Variants in MLLT1 observed in about 807,000 individuals in gnomAD.
The protein encoded by MLLT1 is protein ENL.
Under a neutral mutation model 55.1 loss-of-function variants are expected in MLLT1, and 11 were observed. The ratio of observed to expected loss-of-function variants is 0.20; its 90% CI spans 0.13 to 0.33. The LOEUF (loss-of-function observed/expected upper bound fraction) is 0.33. MLLT1 is among the 10% of genes least tolerant of loss of function. The pLI, the probability that MLLT1 is intolerant of heterozygous loss-of-function variation, is 1.00. For synonymous variants in MLLT1, 323 were observed against 320.1 expected (o/e 1.01, Z -0.10); for missense variants, 536 against 760.6 (o/e 0.70, Z 3.47).
chr19:6,253,836 G>A lies in MLLT1; in HGVS notation c.276+8392C>T, dbSNP rs1221196294. On this transcript the variant is annotated intron_variant, in intron 3 of 11. Transcript: ENST00000252674. ...AAACTAGAAAAAGAAGGTGTGACAC[G>A]GTAAGAAATATATATATTTGGTCTC... Among the ~76,000 whole-genome samples the A allele has an allele frequency of 3.9e-5, 6 of 152,216 alleles. No individual in the cohort carries two copies. In the South Asian group the frequency reaches 1.0e-3, roughly 26 times the overall value.
chr19:6,211,815 C>G lies in MLLT1; in HGVS notation c.*1227G>C. The G allele has an allele frequency of 9.4e-7, 1 of 1,064,200 alleles. No homozygotes were observed. The highest frequency in any genetic ancestry group is 1.1e-6 in the Non-Finnish European group (1 of 878,552). The allele number at this position is 1,064,200 out of a possible 1,614,324, so 65.9% of individuals were successfully genotyped here. On this transcript the variant is annotated 3_prime_UTR_variant, in exon 12 of 12. Coordinates refer to ENST00000252674, the MANE Select transcript of MLLT1 (RefSeq NM_005934.4). This position sits in a 1 kb window ranked among gnomAD's most constrained non-coding sequence, Gnocchi z 4.6. ...TGGAAGAGTGGGCCGGGAAGGAGGACCGGCTTGGCCCCTGGAGAATCTCAG... is the reference window on the plus strand; with the variant it reads ...TGGAAGAGTGGGCCGGGAAGGAGGAGCGGCTTGGCCCCTGGAGAATCTCAG...
intron 2 of MLLT1, chr19:6,263,278 G>T (rs369126772): frequency 6.6e-6 from 1 of 152,502 alleles, no homozygotes; most frequent in East Asian, 1.9e-4. Flanking sequence ...ACAGAGGAAG[G>T]GTGGCCTGTC....
chr19:6,213,672 T>TTCCCCCC, intron 10 of MLLT1, 54 bp downstream of exon 10: 1 of 1,075,344 alleles, frequency 9.3e-7, no homozygotes, highest in East Asian at 2.4e-5. Flanking sequence ...TGGCTGCAAC[T>TTCCCCCC]CCCACCACCC....
At chr19:6,275,387 T>C (rs1280940081) in intron 1 of MLLT1, among the ~76,000 whole-genome samples, 2 of 152,038 alleles carry the variant, frequency 1.3e-5, no homozygotes, top group East Asian at 1.9e-4. Flanking sequence ...GAGCCACACA[T>C]GCACAAACAG....
At chr19:6,260,354 G>T (rs917665704) in intron 3 of MLLT1, among the ~76,000 whole-genome samples, 4 of 152,198 alleles carry the variant, frequency 2.6e-5, no homozygotes, top group African/African-American at 9.7e-5. Flanking sequence ...AGTGCTGCAG[G>T]ACACAGCAGG....
Position 6,256,740 on chromosome 19 carries a change from C to A in MLLT1, c.276+5488G>T, listed in dbSNP as rs2091260338. Among the ~76,000 whole-genome samples the A allele has an allele frequency of 6.6e-6, 1 of 152,072 alleles. No homozygotes were observed. Among genetic ancestry groups the A allele is most frequent in the Admixed American group, 6.6e-5 (1 of 15,256 alleles). On this transcript the variant is annotated intron_variant, in intron 3 of 11. Transcript: ENST00000252674. This position sits in a 1 kb window ranked among gnomAD's most constrained non-coding sequence, Gnocchi z 4.1. ...CTGCACTCTAGCCTGGGCGACAGAG[C>A]CAGACTCCGTCTCAAAATAAAATAA...
intron 3 of MLLT1, among the ~76,000 whole-genome samples, chr19:6,239,663 CCCT>C (rs916341950): frequency 4.6e-5 from 7 of 151,954 alleles, no homozygotes; most frequent in African/African-American, 1.7e-4. Context: ...CCATACTCAT[CCCT>C]CACCTACCTG....
intron 6 of MLLT1, among the ~76,000 whole-genome samples, chr19:6,221,158 C>A (rs989259687): frequency 1.3e-5 from 2 of 152,250 alleles, no homozygotes; most frequent in African/African-American, 2.4e-5. Context: ...AAAGCCTCAG[C>A]AACCCAGAGG....
chr19:6,222,989 G>A lies in MLLT1; in HGVS notation c.547-305C>T, dbSNP rs1256609090. ...GCACAGGGTGAGTCAGGCAGAGCAT[G>A]GCCACTTCGCCCGCACCCGCCCGCC... On this transcript the variant is annotated intron_variant, in intron 5 of 11. Transcript: ENST00000252674. The surrounding 1 kb of genome is among the most constrained non-coding windows in gnomAD (Gnocchi z 4.1). Among the ~76,000 whole-genome samples the A allele has an allele frequency of 6.6e-6, 1 of 152,176 alleles. No homozygotes were observed. The highest frequency in any genetic ancestry group is 1.5e-5 in the Non-Finnish European group (1 of 68,026).
rs1035290479 is a variant in MLLT1 at position 6,212,845 on chromosome 19, G to A, written c.*197C>T. On this transcript the variant is annotated 3_prime_UTR_variant, in exon 12 of 12. Coordinates refer to ENST00000252674, the MANE Select transcript of MLLT1 (RefSeq NM_005934.4). ...GGGCGGCTCCCGTGTGGCCCAGCCC[G>A]GCCCCAGGGCTCCTGGCGATGGAGC... The A allele has an allele frequency of 2.0e-5, 18 of 921,332 alleles. No individual in the cohort carries two copies. The highest frequency in any genetic ancestry group is 7.5e-5 in the South Asian group (4 of 53,342). The allele number at this position is 921,332 out of a possible 1,614,324, so 57.1% of individuals were successfully genotyped here. A position where few individuals can be genotyped will look rare whatever the true frequency, so the allele number is the denominator to read the frequency against.
intron 1 of MLLT1, among the ~76,000 whole-genome samples, chr19:6,274,414 C>A (rs2091417545): frequency 6.6e-6 from 1 of 152,162 alleles, no homozygotes; most frequent in African/African-American, 2.4e-5. Context: ...CTTTCCTTGG[C>A]CATTAGGACC....
intron 3 of MLLT1, among the ~76,000 whole-genome samples, chr19:6,233,171 G>A (rs538396980): frequency 3.3e-4 from 50 of 152,314 alleles, no homozygotes; most frequent in African/African-American, 1.0e-3. Flanking sequence ...CTGCAGTGCC[G>A]GACGGCTCAC....
intron 3 of MLLT1, among the ~76,000 whole-genome samples, chr19:6,255,822 GCCAAT>G (rs2091252280): frequency 1.3e-5 from 2 of 152,178 alleles, no homozygotes; most frequent in African/African-American, 4.8e-5. Flanking sequence ...ACTCACACTT[GCCAAT>G]TTCAAAACTT....
chr19:6,254,447 T>C (rs760950262), intron 3 of MLLT1, among the ~76,000 whole-genome samples: 2 of 152,260 alleles, frequency 1.3e-5, no homozygotes, highest in Non-Finnish European at 2.9e-5. Flanking sequence ...ACCCGATTTA[T>C]GGCCGGTTGA....
At chr19:6,265,061 A>AC (rs2091337963) in intron 2 of MLLT1, among the ~76,000 whole-genome samples, 1 of 138,964 alleles carries the variant, frequency 7.2e-6, no homozygotes, top group African/African-American at 2.8e-5. Context: ...AAAAAACAAA[A>AC]AAACAAAAAA....
Position 6,212,603 on chromosome 19 carries a change from C to G in MLLT1, c.*439G>C, listed in dbSNP as rs2090788593. ...CACACAGGCAGGGCCTTCTGAGGTC[C>G]AGGGTGGGCGGAGGGTGTGTTCTGA... is the stretch of plus-strand genomic sequence containing the variant. On this transcript the variant is annotated 3_prime_UTR_variant, in exon 12 of 12. Coordinates refer to ENST00000252674, the MANE Select transcript of MLLT1 (RefSeq NM_005934.4). 1 of 1,093,114 alleles carries G rather than the reference C, an allele frequency of 9.1e-7. No homozygotes were observed. The highest frequency in any genetic ancestry group is 1.1e-6 in the Non-Finnish European group (1 of 898,508). 67.7% of individuals were successfully genotyped at this position (1,093,114 alleles called of 1,614,324 possible). A position where few individuals can be genotyped will look rare whatever the true frequency, so the allele number is the denominator to read the frequency against.
intron 3 of MLLT1, among the ~76,000 whole-genome samples, chr19:6,232,737 T>C (rs1600186371): frequency 6.6e-6 from 1 of 151,896 alleles, no homozygotes; most frequent in Non-Finnish European, 1.5e-5. Flanking sequence ...AGACACAGGG[T>C]TTCTTTTGGG....
rs371122410 is a variant in MLLT1 at position 6,216,470 on chromosome 19, G to A, written c.1242C>T (p.Ser414=). Residue 414 remains serine, a synonymous_variant, in exon 8 of 12, where the codon TCC becomes TCT. Coordinates refer to ENST00000252674, the MANE Select transcript of MLLT1 (RefSeq NM_005934.4). ...CGCCTGACGAAGAGTCGTCCTCGTC[G>A]GACTCCTCGGACTGCAGGTCCTCCA... The part of the protein sequence containing the change: ...SMVEDLQSEE[S]DEDDSSSGEE... The A allele has an allele frequency of 4.9e-4, 780 of 1,606,926 alleles. 8 individuals are homozygous for A. The South Asian group carries it at 8.2e-3, about 17-fold the overall frequency.
chr19:6,247,595 A>T (rs914943834), intron 3 of MLLT1, among the ~76,000 whole-genome samples: 3 of 152,218 alleles, frequency 2.0e-5, no homozygotes, highest in Admixed American at 6.5e-5. Context: ...CCAGTTAATA[A>T]ATGTAGAAAG....
Sources: allele counts gnomAD v4.1 joint callset (sites outside exome capture counted in the v4.1 genomes callset), GRCh38; gene constraint gnomAD v4.1.1; non-coding constraint Gnocchi (gnomAD v3.1); transcripts MANE v1.5; gene names NCBI Gene and HGNC (gene_info 2026-07-23, HGNC 2026-07-21).